The following FAM53B variants were observed in gnomAD, a reference collection of about 807,000 sequenced individuals.
FAM53B encodes family with sequence similarity 53 member B.
A neutral mutation model predicts 32.7 loss-of-function variants in FAM53B; 12 were observed. The observed-to-expected ratio is 0.37, with a 90% CI of 0.24 to 0.59. The LOEUF (loss-of-function observed/expected upper bound fraction) is 0.59, where lower values mean the gene tolerates loss of function less well. FAM53B is among the 20% of genes least tolerant of loss of function. FAM53B has a pLI of 0.72. For synonymous variants in FAM53B, 234 were observed against 228.7 expected (o/e 1.02, Z -0.21); for missense variants, 477 against 577.7 (o/e 0.83, Z 1.79).
At chr10:124,683,331 A>T (rs1949784347) in intron 3 of FAM53B, among the ~76,000 whole-genome samples, 1 of 152,218 alleles carries the variant, frequency 6.6e-6, no homozygotes, top group African/African-American at 2.4e-5. Flanking sequence ...ACAGTATAAA[A>T]GCAAAGTTAC....
intron 3 of FAM53B, among the ~76,000 whole-genome samples, chr10:124,686,113 C>G (rs548293231): frequency 6.6e-6 from 1 of 152,352 alleles, no homozygotes; most frequent in South Asian, 2.1e-4. Context: ...ACTCCTCCCC[C>G]CAGCTTTGTG....
At chr10:124,644,192 C>T (rs1228244762) in intron 4 of FAM53B, among the ~76,000 whole-genome samples, 1 of 152,204 alleles carries the variant, frequency 6.6e-6, no homozygotes, top group African/African-American at 2.4e-5. Flanking sequence ...CGCCTGGTCA[C>T]TTGGCCCCAC....
intron 4 of FAM53B, among the ~76,000 whole-genome samples, chr10:124,665,931 CAGCT>C (rs1949669613): frequency 8.7e-6 from 1 of 114,302 alleles, no homozygotes; most frequent in African/African-American, 3.7e-5. Flanking sequence ...TACGTAGACA[CAGCT>C]GTCTCCACCC....
intron 4 of FAM53B, among the ~76,000 whole-genome samples, chr10:124,677,159 C>A (rs1340869852): frequency 1.3e-5 from 2 of 152,206 alleles, no homozygotes; most frequent in African/African-American, 2.4e-5. Flanking sequence ...AATCTTTGCT[C>A]ACACACACGT....
chr10:124,637,147 G>A (rs762159104), intron 4 of FAM53B, among the ~76,000 whole-genome samples: 63 of 152,080 alleles, frequency 4.1e-4, no homozygotes, highest in Admixed American at 1.3e-4. Context: ...GGGCCCCCTT[G>A]GAAATGGGGT....
chr10:124,725,734 G>A (rs953610176), intron 1 of FAM53B, among the ~76,000 whole-genome samples: 1 of 152,232 alleles, frequency 6.6e-6, no homozygotes, highest in African/African-American at 2.4e-5. Flanking sequence ...ATTACCTAAA[G>A]GTAGGAAATA....
chr10:124,684,266 A>G (rs1949789864), intron 3 of FAM53B, among the ~76,000 whole-genome samples: 1 of 152,238 alleles, frequency 6.6e-6, no homozygotes. Context: ...TTTCTTCATC[A>G]TACATCGTTC....
At chr10:124,670,879 G>A (rs1949703623) in intron 4 of FAM53B, among the ~76,000 whole-genome samples, 1 of 152,182 alleles carries the variant, frequency 6.6e-6, no homozygotes, top group Non-Finnish European at 1.5e-5. Flanking sequence ...CCTGTTGTAG[G>A]CCTGAATGAC....
intron 4 of FAM53B, among the ~76,000 whole-genome samples, chr10:124,664,351 C>A (rs1030531860): frequency 7.9e-5 from 12 of 152,212 alleles, no homozygotes; most frequent in African/African-American, 2.9e-4. Context: ...CCAAAGCAGG[C>A]CTCCGGGGCC....
intron 4 of FAM53B, among the ~76,000 whole-genome samples, chr10:124,636,327 A>G (rs1398004005): frequency 6.6e-6 from 1 of 152,160 alleles, no homozygotes; most frequent in African/African-American, 2.4e-5. Context: ...ATCTGTGGAC[A>G]AAAAACCTCT....
chr10:124,739,978 C>G (rs61872082), intron 1 of FAM53B, among the ~76,000 whole-genome samples: 5 of 152,038 alleles, frequency 3.3e-5, no homozygotes, highest in Non-Finnish European at 7.4e-5. Flanking sequence ...AAAAAAACGA[C>G]AAGAAAAACC....
intron 4 of FAM53B, among the ~76,000 whole-genome samples, chr10:124,672,090 G>T (rs1376602731): frequency 2.0e-5 from 3 of 152,240 alleles, no homozygotes; most frequent in Non-Finnish European, 2.9e-5. Context: ...TACTGATGCA[G>T]TGCCTGGGGC....
chr10:124,728,518 C>A (rs1402004577), intron 1 of FAM53B, among the ~76,000 whole-genome samples: 2 of 152,206 alleles, frequency 1.3e-5, no homozygotes, highest in Non-Finnish European at 2.9e-5. Context: ...ATGGAAGAGA[C>A]AATTCTGGAT....
At chr10:124,738,639 C>T (rs993947738) in intron 1 of FAM53B, among the ~76,000 whole-genome samples, 3 of 151,690 alleles carry the variant, frequency 2.0e-5, no homozygotes, top group Non-Finnish European at 4.4e-5. Context: ...GCTGCCCAGC[C>T]CTGGCTGGGG....
intron 1 of FAM53B, among the ~76,000 whole-genome samples, chr10:124,716,032 A>G (rs1034542802): frequency 2.0e-5 from 3 of 152,262 alleles, no homozygotes; most frequent in African/African-American, 7.2e-5. Context: ...TTGCTCCTGC[A>G]ACTGGGCTGG....
intron 4 of FAM53B, among the ~76,000 whole-genome samples, chr10:124,673,170 T>G (rs1007044223): frequency 2.0e-5 from 3 of 152,120 alleles, no homozygotes; most frequent in South Asian, 2.1e-4. Flanking sequence ...CCCACCTTCA[T>G]GTTTGCCAAT....
At chr10:124,717,365 T>C (rs763939254) in intron 1 of FAM53B, among the ~76,000 whole-genome samples, 8 of 152,222 alleles carry the variant, frequency 5.3e-5, no homozygotes, top group Non-Finnish European at 1.0e-4. Flanking sequence ...GGAGAGAGCA[T>C]GAAAATCAAT....
At position 124,738,382 on chromosome 10, in the gene FAM53B, C is replaced by T. The variant is rs72843406; in HGVS notation, c.-175+5631G>A. Among the ~76,000 whole-genome samples the T allele has an allele frequency of 8.9e-3, 1,345 of 151,428 alleles. 10 individuals are homozygous for T. The highest frequency in any genetic ancestry group is 0.024 in the Middle Eastern group (7 of 294). On this transcript the variant is annotated intron_variant, in intron 1 of 4. Coordinates refer to ENST00000337318, the MANE Select transcript of FAM53B (RefSeq NM_014661.4). ...TGGATTTTTTTTTTTTTCCAACCTT[C>T]CCAGGTGACTCTAATGTGCAGCCAA...
chr10:124,623,841 T>C, intron 4 of FAM53B: 1 of 494,164 alleles, frequency 2.0e-6, no homozygotes, highest in Non-Finnish European at 3.6e-6. Context: ...ACCTACTAAC[T>C]CGGCAAAGCA....
Sources: gnomAD v4.1 joint callset for allele counts (sites outside exome capture counted in the v4.1 genomes callset) on GRCh38, gnomAD v4.1.1 for gene constraint, MANE v1.5 for transcripts, NCBI Gene and HGNC (gene_info 2026-07-23, HGNC 2026-07-21) for gene names.